The following RANBP3L variants were observed in gnomAD, a reference collection of about 807,000 sequenced individuals.
RANBP3L encodes the protein RAN binding protein 3 like, also known as ran-binding protein 3-like.
RANBP3L carries 56 observed loss-of-function variants against 67.2 expected under a neutral mutation model. The ratio of observed to expected loss-of-function variants is 0.83; its 90% confidence interval spans 0.67 to 1.04. The LOEUF is 1.04. Ranked by LOEUF, RANBP3L falls within the 50% of genes least tolerant of loss-of-function variation. The pLI is 0.00. For missense variants in RANBP3L, 496 were observed against 535.5 expected (o/e 0.93, Z 0.73); for synonymous variants, 164 against 181.4 (o/e 0.90, Z 0.77).
chr5:36,273,239 G>A lies in RANBP3L; in HGVS notation c.92-1928C>T, dbSNP rs1024298126. On this transcript the variant is annotated intron_variant, in intron 1 of 13. Transcript: ENST00000296604. ...GGCTTAGGACAGTCATCCCTAAACAGCATGGCTTGATCTAAGCCTACACAA... is the reference window on the plus strand; with the variant it reads ...GGCTTAGGACAGTCATCCCTAAACAACATGGCTTGATCTAAGCCTACACAA... 2.0e-5 allele frequency among the ~76,000 whole-genome samples: 3 copies of A among 152,274 alleles called. No homozygotes were observed. In the South Asian group the frequency reaches 6.2e-4, roughly 32 times the overall value.
At position 36,300,621 on chromosome 5, in the gene RANBP3L, G is replaced by C. The variant is rs1752546413; in HGVS notation, c.91+705C>G. 2.0e-5 allele frequency among the ~76,000 whole-genome samples: 3 copies of C among 152,174 alleles called. No homozygotes were observed. The South Asian group carries it at 6.2e-4, about 32-fold the overall frequency. On this transcript the variant is annotated intron_variant, in intron 1 of 13. Coordinates refer to ENST00000296604, the MANE Select transcript of RANBP3L (RefSeq NM_145000.5). ...TGTGGAGTGATGATGTCATCCATGAGAGACCCAGCCTTTCCCACAAGTGTC... is the reference window on the plus strand; with the variant it reads ...TGTGGAGTGATGATGTCATCCATGACAGACCCAGCCTTTCCCACAAGTGTC...
chr5:36,269,037 TCC>T (rs1279492502), intron 4 of RANBP3L, among the ~76,000 whole-genome samples: 59 of 152,180 alleles, frequency 3.9e-4, no homozygotes, highest in Admixed American at 1.5e-3. Flanking sequence ...TGGCCTTTTC[TCC>T]TGCTTACAAA....
intron 8 of RANBP3L, among the ~76,000 whole-genome samples, chr5:36,260,304 T>A (rs2111739772): frequency 7.3e-6 from 1 of 136,278 alleles, no homozygotes; most frequent in African/African-American, 2.8e-5. Context: ...GAGGTTGCAG[T>A]GAGCAGAGAT....
chr5:36,250,714 G>A (rs1158515536), intron 13 of RANBP3L, among the ~76,000 whole-genome samples: 2 of 152,046 alleles, frequency 1.3e-5, no homozygotes, highest in African/African-American at 4.8e-5. Flanking sequence ...AGAGAAGTAC[G>A]AATATTAGTT....
chr5:36,259,783 G>A (rs1302185711), intron 8 of RANBP3L, among the ~76,000 whole-genome samples: 1 of 152,140 alleles, frequency 6.6e-6, no homozygotes, highest in African/African-American at 2.4e-5. Context: ...GTATGAAGAT[G>A]TGATGGACCA....
chr5:36,271,628 T>A lies in RANBP3L; in HGVS notation c.92-317A>T, dbSNP rs959773889. 6.6e-5 allele frequency among the ~76,000 whole-genome samples: 10 copies of A among 152,296 alleles called. 1 individual carries two copies. The highest frequency in any genetic ancestry group is 5.2e-4 in the Admixed American group (8 of 15,300). The stretch of plus-strand genomic sequence containing the variant: ...TTAGAATCTCATCAGAGCATAGCGA[T>A]TAACACCATTGCTTTAAGAATAAAA... On this transcript the variant is annotated intron_variant, in intron 1 of 13. Coordinates refer to ENST00000296604, the MANE Select transcript of RANBP3L (RefSeq NM_145000.5).
At chr5:36,295,512 C>T (rs1431391480) in intron 1 of RANBP3L, among the ~76,000 whole-genome samples, 1 of 152,094 alleles carries the variant, frequency 6.6e-6, no homozygotes, top group Non-Finnish European at 1.5e-5. Flanking sequence ...AAACCTCTTT[C>T]CTTTATAAAT....
chr5:36,273,155 C>T (rs748733734), intron 1 of RANBP3L, among the ~76,000 whole-genome samples: 2 of 152,118 alleles, frequency 1.3e-5, no homozygotes, highest in African/African-American at 4.8e-5. Flanking sequence ...AAATAGTTTT[C>T]GTGAATGTGC....
chr5:36,264,512 T>C (rs1749616768), intron 6 of RANBP3L, among the ~76,000 whole-genome samples: 2 of 152,218 alleles, frequency 1.3e-5, no homozygotes, highest in South Asian at 4.1e-4. Flanking sequence ...CTACACTGTA[T>C]AGGGAGTTCT....
chr5:36,255,601 AT>A lies in RANBP3L; in HGVS notation c.904-12del. On this transcript the variant is annotated splice_polypyrimidine_tract_variant and intron_variant, in intron 10 of 13. Coordinates refer to ENST00000296604, the MANE Select transcript of RANBP3L (RefSeq NM_145000.5). ...AAGCTTGCAGTTTATCTAAATGACA[AT>A]TTTTTAAAATGTCAAATATATAGAA... 2.5e-6 allele frequency: 4 copies of A among 1,591,576 alleles called. No individual in the cohort carries two copies. Among genetic ancestry groups the A allele is most frequent in the Non-Finnish European group, 3.4e-6 (4 of 1,166,468 alleles).
chr5:36,268,812 G>T (rs1749996994), intron 4 of RANBP3L, among the ~76,000 whole-genome samples: 1 of 151,778 alleles, frequency 6.6e-6, no homozygotes, highest in African/African-American at 2.4e-5. Context: ...AGGTTCAAGA[G>T]ATTCTCCTGC....
chr5:36,265,381 A>G (rs1749687780), intron 5 of RANBP3L, 68 bp downstream of exon 5: 1 of 1,029,424 alleles, frequency 9.7e-7, no homozygotes, highest in Non-Finnish European at 1.5e-6. Context: ...ACGCACACAT[A>G]TAGGGAGATG....
chr5:36,266,574 C>T (rs148937710), intron 4 of RANBP3L, among the ~76,000 whole-genome samples: 23 of 152,278 alleles, frequency 1.5e-4, no homozygotes, highest in African/African-American at 5.5e-4. Flanking sequence ...CTGAACACCA[C>T]TAACATTCTG....
intron 1 of RANBP3L, among the ~76,000 whole-genome samples, chr5:36,290,805 C>T (rs1751686421): frequency 1.4e-5 from 2 of 141,300 alleles, no homozygotes; most frequent in Non-Finnish European, 3.0e-5. Flanking sequence ...GATCTCGGCT[C>T]ACTGCAACCT....
chr5:36,298,917 A>T (rs982909439), intron 1 of RANBP3L, among the ~76,000 whole-genome samples: 3 of 152,134 alleles, frequency 2.0e-5, no homozygotes, highest in African/African-American at 7.2e-5. Flanking sequence ...GTTCATGCTG[A>T]GTGTCAACTT....
intron 1 of RANBP3L, among the ~76,000 whole-genome samples, chr5:36,293,917 G>A (rs1228760364): frequency 1.1e-4 from 17 of 148,816 alleles, no homozygotes; most frequent in Non-Finnish European, 1.8e-4. Flanking sequence ...TGGCCTCATA[G>A]AATGAGTTAT....
At chr5:36,285,960 A>G (rs1237300931) in intron 1 of RANBP3L, among the ~76,000 whole-genome samples, 2 of 152,158 alleles carry the variant, frequency 1.3e-5, no homozygotes, top group Non-Finnish European at 2.9e-5. Flanking sequence ...TACAGTGCCC[A>G]AAGCTTTATA....
At chr5:36,265,354 C>T in intron 5 of RANBP3L, 95 bp downstream of exon 5, 1 of 815,466 alleles carries the variant, frequency 1.2e-6, no homozygotes, top group South Asian at 1.8e-5. Flanking sequence ...TCTGACCTAC[C>T]TCCATGCCCC....
At chr5:36,287,214 C>T (rs1275277144) in intron 1 of RANBP3L, among the ~76,000 whole-genome samples, 2 of 152,232 alleles carry the variant, frequency 1.3e-5, no homozygotes, top group African/African-American at 4.8e-5. Context: ...AGGCGGAGCT[C>T]AGGTGGTAAT....
Sources: gnomAD v4.1 joint callset for allele counts (sites outside exome capture counted in the v4.1 genomes callset) on GRCh38, gnomAD v4.1.1 for gene constraint, MANE v1.5 for transcripts, NCBI Gene and HGNC (gene_info 2026-07-23, HGNC 2026-07-21) for gene names.